Variants in TAF1A observed in about 807,000 individuals in gnomAD.
TAF1A encodes TATA-box binding protein associated factor, RNA polymerase I subunit A.
In TAF1A, 42 loss-of-function variants were observed where a neutral mutation model predicts 61.6. The ratio of observed to expected loss-of-function variants is 0.68; its 90% confidence interval spans 0.53 to 0.88. TAF1A has a LOEUF of 0.88. Ranked by LOEUF, TAF1A falls within the 40% of genes least tolerant of loss-of-function variation. The probability of loss-of-function intolerance (pLI) is 0.00; values close to 1 mark genes in which losing one functional copy is unlikely to be tolerated. For synonymous variants in TAF1A, 179 were observed against 177.7 expected (o/e 1.01, Z -0.06); for missense variants, 424 against 518.7 (o/e 0.82, Z 1.77).
chr1:222,569,103 G>T, intron 7 of TAF1A: 1 of 316,278 alleles, frequency 3.2e-6, no homozygotes, highest in Non-Finnish European at 5.1e-6. Context: ...GGCTGCAAAG[G>T]GAAATGAAAG....
At chr1:222,570,732 T>A in intron 5 of TAF1A, 67 bp from the exon 6 acceptor site, 1 of 1,434,902 alleles carries the variant, frequency 7.0e-7, no homozygotes, top group Non-Finnish European at 9.3e-7. Context: ...ATTAGTAATT[T>A]AAAAAACTAT....
intron 4 of TAF1A, among the ~76,000 whole-genome samples, chr1:222,578,039 T>C (rs1443931103): frequency 6.6e-6 from 1 of 152,174 alleles, no homozygotes; most frequent in Non-Finnish European, 1.5e-5. Context: ...AATGAGATAA[T>C]ACTTGCAAAT....
At chr1:222,567,171 T>C (rs1660150004) in intron 7 of TAF1A, among the ~76,000 whole-genome samples, 2 of 152,196 alleles carry the variant, frequency 1.3e-5, no homozygotes, top group South Asian at 4.2e-4. Context: ...TTGAAAACAT[T>C]ATGCTAAGTG....
intron 2 of TAF1A, among the ~76,000 whole-genome samples, chr1:222,586,751 C>T (rs550544328): frequency 3.3e-5 from 5 of 152,228 alleles, no homozygotes; most frequent in African/African-American, 7.2e-5. Context: ...AGTTTTTATT[C>T]TAAGGGGGTT....
Position 222,579,881 on chromosome 1 carries a change from G to T in TAF1A, c.292-9C>A. 6.3e-7 allele frequency: 1 copy of T among 1,589,874 alleles called. No homozygotes were observed. The highest frequency in any genetic ancestry group is 1.2e-5 in the South Asian group (1 of 86,012). ...CCGAGCTTCCAAATAATCTGTCAAA[G>T]CAGAAATTACTGCCAAAATGTAAAA... is the stretch of plus-strand genomic sequence containing the variant. On this transcript the variant is annotated splice_polypyrimidine_tract_variant and intron_variant, in intron 3 of 10. Transcript: ENST00000352967.
At chr1:222,582,886 A>G (rs1044317551) in intron 3 of TAF1A, among the ~76,000 whole-genome samples, 21 of 152,158 alleles carry the variant, frequency 1.4e-4, no homozygotes, top group Non-Finnish European at 4.4e-5. Flanking sequence ...AATGTCCAGA[A>G]TAGAAAATAG....
chr1:222,584,547 T>G (rs966260362), intron 2 of TAF1A, among the ~76,000 whole-genome samples: 3 of 152,186 alleles, frequency 2.0e-5, no homozygotes, highest in Non-Finnish European at 4.4e-5. Flanking sequence ...TTAAATCTGA[T>G]TCAATCATCC....
At chr1:222,588,858 T>C (rs74148140) in intron 1 of TAF1A, among the ~76,000 whole-genome samples, 17,035 of 152,152 alleles carry the variant, frequency 0.11, 1,113 homozygotes, top group Middle Eastern at 0.19. Flanking sequence ...CAGCAAAACG[T>C]ATAATAACAA....
chr1:222,588,457 T>C lies in TAF1A; in HGVS notation c.107A>G (p.Tyr36Cys). 1.9e-6 allele frequency: 3 copies of C among 1,613,426 alleles called. No homozygotes were observed. The highest frequency in any genetic ancestry group is 2.5e-6 in the Non-Finnish European group (3 of 1,179,824). The change falls in exon 2 of 11, where the codon TAC (tyrosine) becomes TGC (cysteine). Residue 36 changes from tyrosine to cysteine, a missense_variant. Physicochemically the swap from Tyr to Cys is radical, Grantham distance 194. Coordinates refer to ENST00000352967, the MANE Select transcript of TAF1A (RefSeq NM_005681.4). ...AGMHFPWLQT[Y>C]VETVAIGGKR... is the part of the protein sequence containing the mutation. ...ATTTTACTTACCCACAGTTTCTACG[T>C]ATGTTTGAAGCCAAGGAAAATGCAT...
rs1276221346 is a variant in TAF1A, at chr1:222,584,171, G to A, written c.248C>T (p.Thr83Ile). 1.2e-6 allele frequency: 2 copies of A among 1,611,072 alleles called. No individual in the cohort carries two copies. Among genetic ancestry groups the A allele is most frequent in the African/African-American group, 2.7e-5 (2 of 74,832 alleles). ...AAEYMYSYFQTLEDSDSYKRQ... is the reference protein window; with the variant it reads ...AAEYMYSYFQILEDSDSYKRQ... ...TTTGTAGCTATCTGAATCTTCCAAG[G>A]TCTGAAAATAACTGTACATGTATTC... Residue 83 changes from threonine (T) to isoleucine (I), a missense_variant, in exon 3 of 11, where the codon ACC becomes ATC. Coordinates refer to ENST00000352967, the MANE Select transcript of TAF1A (RefSeq NM_005681.4).
intron 3 of TAF1A, among the ~76,000 whole-genome samples, chr1:222,583,778 G>A (rs1173872859): frequency 6.6e-6 from 1 of 150,912 alleles, no homozygotes; most frequent in Admixed American, 6.6e-5. Flanking sequence ...GTAAGAGATT[G>A]CAGTGAGCCG....
chr1:222,559,938 G>A (rs1379568644), intron 10 of TAF1A, among the ~76,000 whole-genome samples: 3 of 152,068 alleles, frequency 2.0e-5, no homozygotes, highest in African/African-American at 7.2e-5. Flanking sequence ...ATTTTTGCCT[G>A]TACCTATATA....
chr1:222,573,000 G>A (rs890175398), intron 5 of TAF1A, among the ~76,000 whole-genome samples: 2 of 152,166 alleles, frequency 1.3e-5, no homozygotes, highest in African/African-American at 4.8e-5. Context: ...CAGGCACAGT[G>A]GCTCACATCT....
At position 222,563,227 on chromosome 1, in the gene TAF1A, T is replaced by A. The variant is rs569499424; in HGVS notation, c.1031A>T (p.Lys344Met). Residue 344 changes from lysine to methionine, a missense_variant, in exon 9 of 11, where the codon AAG becomes ATG. Lys to Met is a moderately conservative substitution (Grantham distance 95). Transcript: ENST00000352967. ...FGVLDFAGCT[K>M]NITAWKYLAK... Reference sequence around the variant, plus strand: ...CAAGTATTTCCAAGCAGTTATATTCTTAGTGCATCCGGCAAAATCTAAGAC... The same window carrying A: ...CAAGTATTTCCAAGCAGTTATATTCATAGTGCATCCGGCAAAATCTAAGAC... 2 of 1,613,100 alleles carry A rather than the reference T, an allele frequency of 1.2e-6. No individual in the cohort carries two copies. The highest frequency in any genetic ancestry group is 2.7e-5 in the African/African-American group (2 of 75,008).
At chr1:222,564,038 A>G (rs1265734284) in intron 8 of TAF1A, 21 bp downstream of exon 8, 2 of 1,454,160 alleles carry the variant, frequency 1.4e-6, no homozygotes, top group Non-Finnish European at 1.9e-6. Flanking sequence ...CACAAGGTAT[A>G]AAACAACATT....
downstream of TAF1A, among the ~76,000 whole-genome samples, chr1:222,554,722 C>T (rs1156653199): frequency 2.2e-4 from 34 of 152,056 alleles, no homozygotes; most frequent in Admixed American, 2.2e-3. Context: ...CCAGACCATC[C>T]CATTTTACAG....
intron 2 of TAF1A, among the ~76,000 whole-genome samples, chr1:222,587,473 G>A (rs1241891977): frequency 1.3e-5 from 2 of 152,130 alleles, no homozygotes; most frequent in African/African-American, 2.4e-5. Context: ...GAAATTTTAG[G>A]AGCCAAGGAA....
At chr1:222,579,935 ATAT>A in intron 3 of TAF1A, 63 bp from the exon 4 acceptor site, 1 of 1,555,178 alleles carries the variant, frequency 6.4e-7, no homozygotes, top group East Asian at 2.3e-5. Flanking sequence ...TCTGTCTAAG[ATAT>A]TGTTTTCCTG....
At position 222,560,247 on chromosome 1, in the gene TAF1A, T is replaced by C. The variant is rs182411091; in HGVS notation, c.1240+1117A>G. On this transcript the variant is annotated intron_variant, in intron 10 of 10. Coordinates refer to ENST00000352967, the MANE Select transcript of TAF1A (RefSeq NM_005681.4). Reference sequence around the variant, plus strand: ...AACCCAGCTTAACTAATGAATAGACTGACTCAACCCCACACTAACAGCCTG... The same window carrying C: ...AACCCAGCTTAACTAATGAATAGACCGACTCAACCCCACACTAACAGCCTG... 1.1e-3 allele frequency among the ~76,000 whole-genome samples: 168 copies of C among 152,314 alleles called. 1 individual carries two copies. Among genetic ancestry groups the C allele is most frequent in the African/African-American group, 3.8e-3 (158 of 41,580 alleles).
Sources: gnomAD v4.1 joint callset for allele counts (sites outside exome capture counted in the v4.1 genomes callset) on GRCh38, gnomAD v4.1.1 for gene constraint, MANE v1.5 for transcripts, NCBI Gene and HGNC (gene_info 2026-07-23, HGNC 2026-07-21) for gene names.